Variants in RALGPS1 observed in about 807,000 individuals in gnomAD.
RALGPS1 encodes the protein Ral GEF with PH domain and SH3 binding motif 1.
In RALGPS1, 19 loss-of-function variants were observed where a neutral mutation model predicts 78.8. The observed-to-expected ratio is 0.24, with a 90% confidence interval of 0.17 to 0.35. The LOEUF is 0.35. Among genes scored for constraint, RALGPS1 ranks in the 10% least tolerant of loss-of-function variants. RALGPS1 has a pLI of 1.00. For synonymous variants in RALGPS1, 228 were observed against 256.3 expected, an observed-to-expected ratio of 0.89 and a Z score of 1.06; for missense variants, 454 against 688.3, an observed-to-expected ratio of 0.66 and a Z score of 3.81.
At chr9:127,093,249 AGAGGAT>A (rs2052693850) in intron 8 of RALGPS1, among the ~76,000 whole-genome samples, 1 of 152,130 alleles carries the variant, frequency 6.6e-6, no homozygotes, top group African/African-American at 2.4e-5. Flanking sequence ...CAGGGAGCCC[AGAGGAT>A]GAGCCTGGAA....
Position 127,183,825 on chromosome 9 carries a change from T to C in RALGPS1, c.910+9043T>C, listed in dbSNP as rs1588415957. On this transcript the variant is annotated intron_variant, in intron 11 of 18. Coordinates refer to ENST00000259351, the MANE Select transcript of RALGPS1 (RefSeq NM_014636.3). This position sits in a 1 kb window ranked among gnomAD's most constrained non-coding sequence, Gnocchi z 4.0. ...GACCTCAGGGATAGGAGGCCAGTTGTGGCCCATTACTCTGGGATTTCACAT... is the reference window on the plus strand; with the variant it reads ...GACCTCAGGGATAGGAGGCCAGTTGCGGCCCATTACTCTGGGATTTCACAT... The C allele has an allele frequency of 1.3e-6, 2 of 1,516,452 alleles. No individual in the cohort carries two copies. The highest frequency in any genetic ancestry group is 4.9e-5 in the East Asian group (2 of 40,568). The allele number at this position is 1,516,452 out of a possible 1,614,324, so 93.9% of individuals were successfully genotyped here.
chr9:127,080,526 A>G (rs1278055873), intron 8 of RALGPS1, among the ~76,000 whole-genome samples: 1 of 152,218 alleles, frequency 6.6e-6, no homozygotes, highest in Non-Finnish European at 1.5e-5. Flanking sequence ...CTTTTTAACC[A>G]AAGTGGGAAC....
rs75655143 is a variant in RALGPS1, at chr9:127,111,989, T to C, written c.610+42633T>C. On this transcript the variant is annotated intron_variant, in intron 8 of 18. Coordinates refer to ENST00000259351, the MANE Select transcript of RALGPS1 (RefSeq NM_014636.3). ...CAGGACCTAAAGATTTTGTCCTCCC[T>C]GAACCCCTTTGGGGGCTTCTCCAGT... 8.4e-3 allele frequency among the ~76,000 whole-genome samples: 1,276 copies of C among 152,372 alleles called. 17 individuals carry two copies. The highest frequency in any genetic ancestry group is 0.029 in the African/African-American group (1,203 of 41,582).
rs751792312 is a variant in RALGPS1, at chr9:127,212,896, G to A, written c.1447-48G>A. ...GGCCCACGTCGGCCTCCCTTGTGGA[G>A]TGGAGGGCTGGGCCCCGGTCTCCGG... On this transcript the variant is annotated intron_variant, in intron 16 of 18. Coordinates refer to ENST00000259351, the MANE Select transcript of RALGPS1 (RefSeq NM_014636.3). This position sits in a 1 kb window ranked among gnomAD's most constrained non-coding sequence, Gnocchi z 6.0. The A allele has an allele frequency of 1.2e-6, 2 of 1,613,066 alleles. No individual in the cohort carries two copies. Among genetic ancestry groups the A allele is most frequent in the Admixed American group, 3.3e-5 (2 of 59,928 alleles).
chr9:127,035,923 G>T (rs1452724481), intron 5 of RALGPS1, among the ~76,000 whole-genome samples: 1 of 152,016 alleles, frequency 6.6e-6, no homozygotes, highest in East Asian at 1.9e-4. Flanking sequence ...AAAAGTGTGA[G>T]AATTTTGTCA....
chr9:127,075,253 C>T (rs896160603), intron 8 of RALGPS1, among the ~76,000 whole-genome samples: 5 of 152,250 alleles, frequency 3.3e-5, no homozygotes, highest in African/African-American at 1.2e-4. Flanking sequence ...TTATTTTCCT[C>T]TCCCTTTAAA....
At position 127,219,951 on chromosome 9, in the gene RALGPS1, T is replaced by C. The variant is rs1054708420; in HGVS notation, c.*1182T>C. 1.3e-5 allele frequency: 2 copies of C among 152,684 alleles called. No individual in the cohort carries two copies. Among genetic ancestry groups the C allele is most frequent in the African/African-American group, 4.8e-5 (2 of 41,474 alleles). The allele number at this position is 152,684 out of a possible 1,614,324, so 9.5% of individuals were successfully genotyped here. A position where few individuals can be genotyped will look rare whatever the true frequency, so the allele number is the denominator to read the frequency against. Reference sequence around the variant, plus strand: ...ACAATTGTTGATGACCGTGTGACAATAGAGCGAAGCCCCGGGGAGTGAACG... The same window carrying C: ...ACAATTGTTGATGACCGTGTGACAACAGAGCGAAGCCCCGGGGAGTGAACG... On this transcript the variant is annotated 3_prime_UTR_variant, in exon 19 of 19. Transcript: ENST00000259351. The surrounding 1 kb of genome is among the most constrained non-coding windows in gnomAD (Gnocchi z 5.0).
intron 4 of RALGPS1, among the ~76,000 whole-genome samples, chr9:126,996,205 GAC>G (rs2042734887): frequency 6.6e-6 from 1 of 152,062 alleles, no homozygotes; most frequent in Admixed American, 6.5e-5. Context: ...AGGAAATAGA[GAC>G]ACAAAAAACC....
intron 14 of RALGPS1, chr9:127,210,644 G>A: frequency 8.6e-6 from 12 of 1,392,294 alleles, no homozygotes; most frequent in Non-Finnish European, 1.2e-5. Flanking sequence ...TCCTTCAGGA[G>A]CATCTGGTCT....
intron 3 of RALGPS1, among the ~76,000 whole-genome samples, chr9:126,976,654 G>A (rs533377393): frequency 7.2e-5 from 11 of 152,198 alleles, no homozygotes; most frequent in Non-Finnish European, 1.3e-4. Context: ...CCCAAGCCCT[G>A]TAGACTCCAG....
intron 4 of RALGPS1, among the ~76,000 whole-genome samples, chr9:127,002,321 A>C (rs2043386435): frequency 6.6e-6 from 1 of 151,772 alleles, no homozygotes; most frequent in Admixed American, 6.6e-5. Context: ...ATTTTTGTAT[A>C]GTATTCCATT....
chr9:127,003,600 T>TG (rs2043552432), intron 4 of RALGPS1, among the ~76,000 whole-genome samples: 1 of 152,244 alleles, frequency 6.6e-6, no homozygotes, highest in Non-Finnish European at 1.5e-5. Context: ...TTTCCTTGGA[T>TG]GCAATGTGTG....
At chr9:127,189,861 C>T (rs1289339999) in intron 11 of RALGPS1, among the ~76,000 whole-genome samples, 1 of 152,198 alleles carries the variant, frequency 6.6e-6, no homozygotes, top group Non-Finnish European at 1.5e-5. Flanking sequence ...CCCCCTGGTC[C>T]GTGGCACAGG....
At chr9:127,093,990 C>T (rs1039465526) in intron 8 of RALGPS1, 1 of 1,555,404 alleles carries the variant, frequency 6.4e-7, no homozygotes, top group Non-Finnish European at 8.8e-7. Context: ...CCCCCAGCTG[C>T]ACCCCAAGCA....
chr9:127,217,799 A>G (rs191491932), intron 18 of RALGPS1: 3 of 152,374 alleles, frequency 2.0e-5, no homozygotes, highest in Non-Finnish European at 4.4e-5. Context: ...TATAAATAGA[A>G]CCATAAAGAT....
chr9:127,095,583 A>T (rs1024797379), intron 8 of RALGPS1, among the ~76,000 whole-genome samples: 2 of 152,140 alleles, frequency 1.3e-5, no homozygotes, highest in African/African-American at 4.8e-5. Flanking sequence ...GGCCGCTCTG[A>T]CGCCCTGCAA....
chr9:127,041,310 T>C (rs2047301217), intron 5 of RALGPS1, among the ~76,000 whole-genome samples: 1 of 152,140 alleles, frequency 6.6e-6, no homozygotes, highest in Non-Finnish European at 1.5e-5. Context: ...CAGGTTGGTC[T>C]CGAACTCCTG....
chr9:127,185,070 C>T (rs2060551065), intron 11 of RALGPS1, among the ~76,000 whole-genome samples: 1 of 152,178 alleles, frequency 6.6e-6, no homozygotes, highest in Admixed American at 6.5e-5. Context: ...CCAAAATGAA[C>T]TTCTCATCGT....
chr9:127,052,335 A>G (rs529743309), intron 6 of RALGPS1, among the ~76,000 whole-genome samples: 1 of 152,310 alleles, frequency 6.6e-6, no homozygotes, highest in South Asian at 2.1e-4. Flanking sequence ...CTGAGACTGA[A>G]TTGAATCCAA....
Sources: allele counts gnomAD v4.1 joint callset (sites outside exome capture counted in the v4.1 genomes callset), GRCh38; gene constraint gnomAD v4.1.1; non-coding constraint Gnocchi (gnomAD v3.1); transcripts MANE v1.5; gene names NCBI Gene and HGNC (gene_info 2026-07-23, HGNC 2026-07-21).